ZPBP: variants seen among roughly 807,000 people sequenced by gnomAD.
The protein encoded by ZPBP is zona pellucida-binding protein 1.
Under a neutral mutation model 44.8 loss-of-function variants are expected in ZPBP, and 26 were observed. The observed-to-expected ratio is 0.58, with a 90% CI of 0.43 to 0.81. The LOEUF (loss-of-function observed/expected upper bound fraction) is 0.81, where lower values mean the gene tolerates loss of function less well. Among genes scored for constraint, ZPBP ranks in the 30% least tolerant of loss-of-function variants. ZPBP has a pLI of 0.00. For synonymous variants in ZPBP, 174 were observed against 153.2 expected, an observed-to-expected ratio of 1.14 and a Z score of -1.00; for missense variants, 409 against 434.0, an observed-to-expected ratio of 0.94 and a Z score of 0.51.
At chr7:50,043,564 TC>T (rs1419501178) in intron 4 of ZPBP, among the ~76,000 whole-genome samples, 1 of 152,048 alleles carries the variant, frequency 6.6e-6, no homozygotes, top group African/African-American at 2.4e-5. Flanking sequence ...CCAAAAAATA[TC>T]AAAAAAGACA....
At chr7:50,017,411 T>C (rs996109553) in intron 6 of ZPBP, among the ~76,000 whole-genome samples, 1 of 152,138 alleles carries the variant, frequency 6.6e-6, no homozygotes, top group Non-Finnish European at 1.5e-5. Context: ...ACAGTGAAGC[T>C]TCACTCTAGC....
chr7:49,882,061 ATTT>A (rs960140078), intron 2 of ZPBP, among the ~76,000 whole-genome samples: 1 of 152,146 alleles, frequency 6.6e-6, no homozygotes, highest in Non-Finnish European at 1.5e-5. Flanking sequence ...TTGCTCATAA[ATTT>A]TTGTTTTAAA....
At chr7:49,959,593 A>T (rs555295006) in intron 7 of ZPBP, among the ~76,000 whole-genome samples, 2 of 152,264 alleles carry the variant, frequency 1.3e-5, no homozygotes, top group East Asian at 3.9e-4. Context: ...AAACATCCCA[A>T]AAACAAATTT....
intron 7 of ZPBP, among the ~76,000 whole-genome samples, chr7:49,980,114 AT>A (rs1461194998): frequency 1.0e-5 from 1 of 96,108 alleles, no homozygotes; most frequent in African/African-American, 4.4e-5. Context: ...TTATAATATA[AT>A]TTTATATTAT....
intron 3 of ZPBP, among the ~76,000 whole-genome samples, chr7:50,067,740 G>A (rs1425135499): frequency 2.6e-5 from 4 of 152,212 alleles, no homozygotes; most frequent in African/African-American, 7.2e-5. Flanking sequence ...AGTCTCTAAA[G>A]TCAGTTTATT....
At chr7:49,993,475 T>C (rs1372448713) in intron 6 of ZPBP, among the ~76,000 whole-genome samples, 5 of 152,168 alleles carry the variant, frequency 3.3e-5, no homozygotes, top group Admixed American at 2.0e-4. Context: ...AATGAACCGA[T>C]TGGCAACTGG....
intron 5 of ZPBP, among the ~76,000 whole-genome samples, chr7:50,021,445 G>T (rs976505802): frequency 6.6e-6 from 1 of 151,658 alleles, no homozygotes; most frequent in Non-Finnish European, 1.5e-5. Context: ...AAGAATTAGT[G>T]AACTTGAAGA....
At chr7:50,010,094 T>A (rs1304899870) in intron 6 of ZPBP, among the ~76,000 whole-genome samples, 1 of 152,166 alleles carries the variant, frequency 6.6e-6, no homozygotes, top group Non-Finnish European at 1.5e-5. Flanking sequence ...ACAATCCCTA[T>A]CAAAATCCCA....
chr7:50,090,495 A>G (rs1452616513), intron 1 of ZPBP, among the ~76,000 whole-genome samples: 1 of 149,918 alleles, frequency 6.7e-6, no homozygotes, highest in Non-Finnish European at 1.5e-5. Flanking sequence ...GTGTGTGTAT[A>G]TGAGTGTATA....
chr7:49,981,139 T>TTA (rs1378624821), intron 7 of ZPBP, among the ~76,000 whole-genome samples: 4 of 142,460 alleles, frequency 2.8e-5, no homozygotes, highest in South Asian at 2.1e-4. Context: ...TATATATATT[T>TTA]TATATATATA....
At chr7:49,918,011 C>T (rs1347690925) in intron 1 of ZPBP, 1 of 152,048 alleles carries the variant, frequency 6.6e-6, no homozygotes, top group Non-Finnish European at 1.5e-5. Context: ...ACCTATGAAA[C>T]TATTAATGTT....
At chr7:50,063,574 T>C (rs991018005) in intron 3 of ZPBP, among the ~76,000 whole-genome samples, 7 of 152,178 alleles carry the variant, frequency 4.6e-5, no homozygotes, top group African/African-American at 1.7e-4. Flanking sequence ...AGTGAGGGTT[T>C]TGAATCCTTT....
At chr7:49,993,327 T>C (rs1797648071) in intron 6 of ZPBP, among the ~76,000 whole-genome samples, 1 of 151,334 alleles carries the variant, frequency 6.6e-6, no homozygotes, top group African/African-American at 2.4e-5. Context: ...AAAGACACAA[T>C]CTAAAGAAGG....
Position 50,057,937 on chromosome 7 carries a change from A to C in ZPBP, c.487+52T>G, listed in dbSNP as rs1584137901. On this transcript the variant is annotated intron_variant, in intron 4 of 7. Coordinates refer to ENST00000046087, the MANE Select transcript of ZPBP (RefSeq NM_007009.3). ...AGACAAGCCTACTTAAACATATTTA[A>C]ATGTTTAAAATCATTAAGAAAGGTT... 3 of 1,504,364 alleles carry C rather than the reference A, an allele frequency of 2.0e-6. No homozygotes were observed. In the East Asian group the frequency reaches 6.8e-5, roughly 34 times the overall value. The allele number at this position is 1,504,364 out of a possible 1,614,324, so 93.2% of individuals were successfully genotyped here.
intron 6 of ZPBP, among the ~76,000 whole-genome samples, chr7:49,985,304 T>C (rs144861743): frequency 0.02 from 3,110 of 152,302 alleles, 259 homozygotes; most frequent in Admixed American, 0.15. Flanking sequence ...GGTGATATTT[T>C]TGCAACCAGA....
intron 1 of ZPBP, chr7:49,919,079 G>T (rs1211529917): frequency 3.3e-5 from 5 of 151,724 alleles, no homozygotes; most frequent in African/African-American, 1.2e-4. Context: ...ATCAGTGATG[G>T]AACTGAGGCC....
intron 6 of ZPBP, among the ~76,000 whole-genome samples, chr7:50,005,527 A>G (rs1222013449): frequency 1.3e-5 from 2 of 152,058 alleles, no homozygotes; most frequent in East Asian, 3.9e-4. Context: ...GATTTTGCAC[A>G]TGACTGACAT....
At chr7:49,908,502 T>A (rs141320043) in intron 1 of ZPBP, among the ~76,000 whole-genome samples, 98 of 152,118 alleles carry the variant, frequency 6.4e-4, no homozygotes, top group African/African-American at 2.3e-3. Context: ...AACACAAATC[T>A]AAGAGGAAAA....
intron 5 of ZPBP, among the ~76,000 whole-genome samples, chr7:50,030,701 A>G (rs990832725): frequency 6.6e-6 from 1 of 152,148 alleles, no homozygotes; most frequent in Non-Finnish European, 1.5e-5. Flanking sequence ...TTTTCCAGAA[A>G]ACACTGGGCC....
Sources: gnomAD v4.1 joint callset for allele counts (sites outside exome capture counted in the v4.1 genomes callset) on GRCh38, gnomAD v4.1.1 for gene constraint, MANE v1.5 for transcripts, NCBI Gene and HGNC (gene_info 2026-07-23, HGNC 2026-07-21) for gene names.